The following ADAM22 variants were observed in gnomAD, a reference collection of about 807,000 sequenced individuals.
ADAM22 encodes disintegrin and metalloproteinase domain-containing protein 22.
A neutral mutation model predicts 144.6 loss-of-function variants in ADAM22; 65 were observed. The ratio of observed to expected loss-of-function variants is 0.45; its 90% CI spans 0.37 to 0.55. The LOEUF (loss-of-function observed/expected upper bound fraction) is 0.55, where lower values mean the gene tolerates loss of function less well. ADAM22 is among the 20% of genes least tolerant of loss of function. ADAM22 has a pLI of 0.00. For synonymous variants in ADAM22, 391 were observed against 412.6 expected (o/e 0.95, Z 0.63); for missense variants, 974 against 1,184.9 (o/e 0.82, Z 2.61).
At chr7:87,963,636 C>G (rs1390139941) in intron 2 of ADAM22, among the ~76,000 whole-genome samples, 1 of 152,104 alleles carries the variant, frequency 6.6e-6, no homozygotes, top group Non-Finnish European at 1.5e-5. Context: ...AGCATTGTAT[C>G]CAAACACATC....
intron 3 of ADAM22, among the ~76,000 whole-genome samples, chr7:88,041,886 TAGAAAC>T (rs1433046989): frequency 6.6e-6 from 1 of 152,072 alleles, no homozygotes; most frequent in African/African-American, 2.4e-5. Flanking sequence ...CAATTTTTCT[TAGAAAC>T]AGATCTGTTG....
At chr7:88,082,737 A>T (rs1422311089) in intron 4 of ADAM22, among the ~76,000 whole-genome samples, 1 of 152,200 alleles carries the variant, frequency 6.6e-6, no homozygotes, top group South Asian at 2.1e-4. Context: ...ACATGAAAAA[A>T]TGCTCACCAT....
chr7:88,112,161 A>T (rs1266982994), intron 5 of ADAM22, among the ~76,000 whole-genome samples: 1 of 152,212 alleles, frequency 6.6e-6, no homozygotes, highest in Non-Finnish European at 1.5e-5. Flanking sequence ...CCTTGGGCAC[A>T]TATTGTCAGT....
At position 88,135,980 on chromosome 7, in the gene ADAM22, G is replaced by A. The variant is rs757786454; in HGVS notation, c.1169G>A (p.Gly390Asp). Residue 390 changes from glycine to aspartate, a missense_variant and splice_region_variant, in exon 14 of 32, where the codon GGT becomes GAT. Transcript: ENST00000413139. ...GGCATGTGTATTAATTTTCTCTTAGGTGAATGTAAATGCGAGGACACGTGG... is the reference window on the plus strand; with the variant it reads ...GGCATGTGTATTAATTTTCTCTTAGATGAATGTAAATGCGAGGACACGTGG... ...IISDKRKLAS[G>D]ECKCEDTWSG... is the part of the protein sequence containing the mutation. 2.5e-6 allele frequency: 4 copies of A among 1,609,170 alleles called. No individual in the cohort carries two copies. Among genetic ancestry groups the A allele is most frequent in the South Asian group, 2.2e-5 (2 of 89,820 alleles).
intron 30 of ADAM22, among the ~76,000 whole-genome samples, chr7:88,192,462 T>C (rs145258854): frequency 6.6e-6 from 1 of 152,332 alleles, no homozygotes; most frequent in African/African-American, 2.4e-5. Context: ...GCAGCTTACA[T>C]AGAAATGCTG....
chr7:88,030,548 C>T (rs1046469123), intron 3 of ADAM22, among the ~76,000 whole-genome samples: 2 of 151,900 alleles, frequency 1.3e-5, no homozygotes, highest in African/African-American at 4.8e-5. Flanking sequence ...ATTGTAATTC[C>T]TAATTTTGGA....
At chr7:88,118,076 A>G (rs1295628395) in intron 7 of ADAM22, among the ~76,000 whole-genome samples, 1 of 152,116 alleles carries the variant, frequency 6.6e-6, no homozygotes, top group Non-Finnish European at 1.5e-5. Context: ...AGATGAAGAA[A>G]CAGAGCTCAG....
rs150354183 is a variant in ADAM22, at chr7:88,110,105, AC to A, written c.473+1848del. 3.5e-3 allele frequency among the ~76,000 whole-genome samples: 534 copies of A among 152,346 alleles called. 6 individuals are homozygous for A. The highest frequency in any genetic ancestry group is 0.012 in the African/African-American group (511 of 41,586). ...AAAAGACTACTGTGAATAAAGGTGTACATTTATTTACTTTAAATACATTATT... is the reference window on the plus strand; with the variant it reads ...AAAAGACTACTGTGAATAAAGGTGTAATTTATTTACTTTAAATACATTATT... On this transcript the variant is annotated intron_variant, in intron 5 of 31. Transcript: ENST00000413139.
At chr7:88,102,871 T>G (rs1308542850) in intron 4 of ADAM22, among the ~76,000 whole-genome samples, 4 of 152,176 alleles carry the variant, frequency 2.6e-5, no homozygotes, top group Non-Finnish European at 5.9e-5. Flanking sequence ...CATATCCTTA[T>G]GAAACAGCTG....
chr7:88,146,437 T>C (rs989202962), intron 17 of ADAM22, among the ~76,000 whole-genome samples: 63 of 152,358 alleles, frequency 4.1e-4, no homozygotes, highest in African/African-American at 1.4e-3. Context: ...TCTGAATTTC[T>C]CAACTCTGGC....
At chr7:88,020,351 T>C (rs2129465284) in intron 3 of ADAM22, among the ~76,000 whole-genome samples, 1 of 152,310 alleles carries the variant, frequency 6.6e-6, no homozygotes, top group South Asian at 2.1e-4. Context: ...CAAAATGGGT[T>C]TTTAAGTCGC....
intron 2 of ADAM22, among the ~76,000 whole-genome samples, chr7:87,974,561 G>A (rs1287499861): frequency 6.6e-6 from 1 of 152,148 alleles, no homozygotes; most frequent in Non-Finnish European, 1.5e-5. Context: ...CTTGGTTTTA[G>A]CCAAACTGTG....
chr7:88,022,955 A>C (rs1798158262), intron 3 of ADAM22, among the ~76,000 whole-genome samples: 1 of 152,232 alleles, frequency 6.6e-6, no homozygotes, highest in African/African-American at 2.4e-5. Flanking sequence ...CTCTTGCTGC[A>C]CTTTGTAAAA....
intron 2 of ADAM22, among the ~76,000 whole-genome samples, chr7:87,953,339 G>A (rs1471428544): frequency 6.6e-6 from 1 of 151,424 alleles, no homozygotes; most frequent in Admixed American, 6.6e-5. Context: ...CTGGTATGTT[G>A]GGTGTTTGTT....
chr7:88,121,744 G>A (rs1334890506), intron 7 of ADAM22, among the ~76,000 whole-genome samples: 2 of 152,126 alleles, frequency 1.3e-5, no homozygotes, highest in Admixed American at 6.6e-5. Context: ...TGCCTAAGAC[G>A]GAAGCCACAG....
At chr7:88,063,909 A>G (rs1324709822) in intron 3 of ADAM22, among the ~76,000 whole-genome samples, 2 of 152,244 alleles carry the variant, frequency 1.3e-5, no homozygotes, top group African/African-American at 2.4e-5. Context: ...ATAAATTAAC[A>G]TCATGCATTC....
intron 2 of ADAM22, among the ~76,000 whole-genome samples, chr7:87,962,571 G>A (rs1192794114): frequency 6.6e-6 from 1 of 151,902 alleles, no homozygotes; most frequent in Non-Finnish European, 1.5e-5. Context: ...TTTTAATCAT[G>A]TGGCAGAATA....
intron 3 of ADAM22, among the ~76,000 whole-genome samples, chr7:88,049,555 C>T (rs7811272): frequency 0.039 from 5,912 of 152,166 alleles, 237 homozygotes; most frequent in African/African-American, 0.1. Context: ...TGCACCACCA[C>T]GCCCGGCTAA....
At chr7:88,027,411 C>G (rs530425386) in intron 3 of ADAM22, among the ~76,000 whole-genome samples, 1 of 152,134 alleles carries the variant, frequency 6.6e-6, no homozygotes. Context: ...GATCTCTTTA[C>G]TTGTTATTAC....
Sources: gnomAD v4.1 joint callset for allele counts (sites outside exome capture counted in the v4.1 genomes callset) on GRCh38, gnomAD v4.1.1 for gene constraint, MANE v1.5 for transcripts, NCBI Gene and HGNC (gene_info 2026-07-23, HGNC 2026-07-21) for gene names.